The following MGA variants were observed in gnomAD, a reference collection of about 807,000 sequenced individuals.
MGA encodes the protein MAX gene-associated protein.
MGA carries 40 observed loss-of-function variants against 261.1 expected under a neutral mutation model. The observed-to-expected ratio is 0.15, with a 90% CI of 0.12 to 0.20. MGA has a LOEUF of 0.20. MGA is among the 10% of genes least tolerant of loss of function. The pLI, the probability that MGA is intolerant of heterozygous loss-of-function variation, is 1.00. For missense variants in MGA, 3,397 were observed against 3,630.5 expected (o/e 0.94, Z 1.65); for synonymous variants, 1,302 against 1,290.6 (o/e 1.01, Z -0.19).
At chr15:41,673,171 G>T (rs2058163978) in intron 2 of MGA, among the ~76,000 whole-genome samples, 1 of 151,934 alleles carries the variant, frequency 6.6e-6, no homozygotes, top group African/African-American at 2.4e-5. Flanking sequence ...TTACATGAAG[G>T]TTATTTCCTA....
At chr15:41,726,052 C>T (rs1480344977) in intron 9 of MGA, among the ~76,000 whole-genome samples, 1 of 152,076 alleles carries the variant, frequency 6.6e-6, no homozygotes, top group Non-Finnish European at 1.5e-5. Flanking sequence ...TACAGAACTT[C>T]TTGATAGTAT....
At chr15:41,686,424 GA>G (rs1292267333) in intron 2 of MGA, among the ~76,000 whole-genome samples, 1 of 152,168 alleles carries the variant, frequency 6.6e-6, no homozygotes, top group Non-Finnish European at 1.5e-5. Flanking sequence ...CCAGCTACTT[GA>G]GAGGCTGAGG....
At chr15:41,651,599 TC>T (rs1169967953) in intron 1 of MGA, among the ~76,000 whole-genome samples, 34 of 145,072 alleles carry the variant, frequency 2.3e-4, no homozygotes, top group African/African-American at 8.8e-4. Context: ...CTTTCCTCCT[TC>T]CTTTCCCTTT....
At chr15:41,748,602 A>G (rs2062647797) in intron 15 of MGA, 35 bp from the exon 16 acceptor site, 14 of 1,596,226 alleles carry the variant, frequency 8.8e-6, no homozygotes, top group Non-Finnish European at 1.1e-5. Flanking sequence ...TTAAAGGGGA[A>G]TTTGGGTACC....
intron 5 of MGA, among the ~76,000 whole-genome samples, chr15:41,705,875 T>TTG (rs1567006488): frequency 6.6e-6 from 1 of 152,206 alleles, no homozygotes; most frequent in African/African-American, 2.4e-5. Flanking sequence ...CCGTAGTTGA[T>TTG]TGGGAACATG....
In MGA at chr15:41,683,300, A is replaced by T. The variant is rs961012715; in HGVS notation, c.1065-12775A>T. 4.0e-5 allele frequency among the ~76,000 whole-genome samples: 6 copies of T among 151,104 alleles called. No homozygotes were observed. The South Asian group carries it at 1.3e-3, about 32-fold the overall frequency. The stretch of plus-strand genomic sequence containing the variant: ...GGGACACAATCCATGGCTCACTGCA[A>T]GCTTGGTCTCTTGGTCTCCTCAAGT... On this transcript the variant is annotated intron_variant, in intron 2 of 23. Coordinates refer to ENST00000219905, the MANE Select transcript of MGA (RefSeq NM_001164273.2).
chr15:41,718,348 T>C (rs1595854655), intron 9 of MGA: 2 of 425,150 alleles, frequency 4.7e-6, no homozygotes, highest in South Asian at 6.0e-5. Context: ...TATAGTATTA[T>C]TTAGTTAGGT....
chr15:41,705,708 A>G (rs1441473868), intron 5 of MGA, among the ~76,000 whole-genome samples: 1 of 152,234 alleles, frequency 6.6e-6, no homozygotes, highest in Non-Finnish European at 1.5e-5. Flanking sequence ...TTACAGAGAA[A>G]GTGCAGTAGA....
intron 1 of MGA, among the ~76,000 whole-genome samples, chr15:41,624,188 C>T (rs1363217180): frequency 1.3e-5 from 2 of 151,732 alleles, no homozygotes; most frequent in East Asian, 3.9e-4. Flanking sequence ...CCTCAGCCTC[C>T]CAAGTAGCTG....
intron 22 of MGA, among the ~76,000 whole-genome samples, chr15:41,763,161 G>A (rs868533305): frequency 2.9e-5 from 4 of 136,582 alleles, no homozygotes; most frequent in African/African-American, 5.4e-5. Flanking sequence ...GTGCAGTGGC[G>A]CGATCTTGGC....
chr15:41,706,014 G>A (rs182170054), intron 5 of MGA, among the ~76,000 whole-genome samples: 1,978 of 152,098 alleles, frequency 0.013, 49 homozygotes, highest in African/African-American at 0.045. Context: ...CGAGGCGGGC[G>A]GATTACGAGG....
At position 41,669,543 on chromosome 15, in the gene MGA, C is replaced by A. The variant is rs2057934510; in HGVS notation, c.649C>A (p.Gln217Lys). Residue 217 changes from glutamine (Q) to lysine (K), a missense_variant, in exon 2 of 24, where the codon CAA (glutamine) becomes AAA (lysine). Gln to Lys is a moderately conservative substitution (Grantham distance 53, BLOSUM62 1). Around this residue, in one of 9 missense-constraint regions of MGA, gnomAD observed 104 missense variants for 212.9 expected, o/e 0.49. Coordinates refer to ENST00000219905, the MANE Select transcript of MGA (RefSeq NM_001164273.2). ...TGCAGAAAAGGCTGTGGAGGTGATACAATTAAATGGCCCTGGTGTCCACAC... is the reference window on the plus strand; with the variant it reads ...TGCAGAAAAGGCTGTGGAGGTGATAAAATTAAATGGCCCTGGTGTCCACAC... The A allele has an allele frequency of 4.3e-6, 7 of 1,613,862 alleles. No individual in the cohort carries two copies. Among genetic ancestry groups the A allele is most frequent in the Admixed American group, 1.7e-5 (1 of 59,994 alleles).
intron 2 of MGA, among the ~76,000 whole-genome samples, chr15:41,673,749 G>C (rs796233745): frequency 4.0e-5 from 6 of 151,500 alleles, no homozygotes; most frequent in African/African-American, 1.5e-4. Context: ...CACCATGTTG[G>C]TCAGACTGGT....
At chr15:41,672,555 A>T (rs1330650093) in intron 2 of MGA, among the ~76,000 whole-genome samples, 1 of 152,236 alleles carries the variant, frequency 6.6e-6, no homozygotes, top group Non-Finnish European at 1.5e-5. Context: ...ATTAACGTAT[A>T]GTATCTCTGT....
At chr15:41,646,361 T>G (rs2056932651) in intron 1 of MGA, among the ~76,000 whole-genome samples, 1 of 151,876 alleles carries the variant, frequency 6.6e-6, no homozygotes, top group Non-Finnish European at 1.5e-5. Flanking sequence ...TTTTCTTTTT[T>G]TGGAGATGGA....
chr15:41,668,503 CTT>C (rs1490815336), intron 1 of MGA, among the ~76,000 whole-genome samples: 2 of 152,004 alleles, frequency 1.3e-5, no homozygotes, highest in African/African-American at 4.8e-5. Context: ...TCAAATTTAA[CTT>C]TTTAATTTTG....
At chr15:41,718,281 T>G in intron 9 of MGA, 1 of 226,666 alleles carries the variant, frequency 4.4e-6, no homozygotes, top group Admixed American at 5.7e-5. Flanking sequence ...ATGTAGTGTA[T>G]ATGTAGTGTG....
chr15:41,753,789 G>T (rs780507063), intron 17 of MGA, among the ~76,000 whole-genome samples: 1 of 148,912 alleles, frequency 6.7e-6, no homozygotes, highest in Non-Finnish European at 1.5e-5. Context: ...TTATTTTACT[G>T]TTATTTAATC....
chr15:41,668,293 T>G (rs2057870766), intron 1 of MGA, among the ~76,000 whole-genome samples: 1 of 152,156 alleles, frequency 6.6e-6, no homozygotes, highest in Non-Finnish European at 1.5e-5. Context: ...ACGTGTGTAC[T>G]AAGAAGTTAG....
Sources: allele counts gnomAD v4.1 joint callset (sites outside exome capture counted in the v4.1 genomes callset), GRCh38; gene constraint gnomAD v4.1.1; regional missense constraint gnomAD v4.1.1; transcripts MANE v1.5; gene names NCBI Gene and HGNC (gene_info 2026-07-23, HGNC 2026-07-21).